The following SLA variants were observed in gnomAD, a reference collection of about 807,000 sequenced individuals.
SLA encodes Src like adaptor.
In SLA, 16 loss-of-function variants were observed where a neutral mutation model predicts 30.3. That is an observed-to-expected ratio of 0.53 (90% CI 0.36 to 0.80). The LOEUF is 0.80. Among genes scored for constraint, SLA ranks in the 30% least tolerant of loss-of-function variants. The pLI is 0.01. For synonymous variants in SLA, 143 were observed against 137.8 expected, an observed-to-expected ratio of 1.04 and a Z score of -0.26; for missense variants, 310 against 345.2, an observed-to-expected ratio of 0.90 and a Z score of 0.81.
chr8:133,089,574 G>A (rs1847171167), intron 1 of SLA, among the ~76,000 whole-genome samples: 2 of 152,234 alleles, frequency 1.3e-5, no homozygotes, highest in Admixed American at 6.5e-5. Context: ...GGGATTTAAT[G>A]ACCTCTGAAG....
chr8:133,080,470 T>C (rs1038347368), intron 1 of SLA, among the ~76,000 whole-genome samples: 10 of 152,058 alleles, frequency 6.6e-5, no homozygotes, highest in Non-Finnish European at 1.3e-4. Context: ...CATTGGGTCT[T>C]CCCACGTCCC....
intron 1 of SLA, chr8:133,094,899 C>T: frequency 9.4e-7 from 1 of 1,059,794 alleles, no homozygotes; most frequent in Non-Finnish European, 1.5e-6. Context: ...CCTTATCTTC[C>T]CATTGTGTGC....
intron 3 of SLA, 31 bp from the exon 4 acceptor site, chr8:133,050,946 C>A (rs762606016): frequency 1.5e-6 from 2 of 1,348,606 alleles, no homozygotes; most frequent in Admixed American, 1.7e-5. Context: ...GGGAAGGGGG[C>A]AAGGTGCTTT....
chr8:133,074,528 A>G (rs1844569919), intron 2 of SLA, among the ~76,000 whole-genome samples: 1 of 152,250 alleles, frequency 6.6e-6, no homozygotes, highest in Non-Finnish European at 1.5e-5. Flanking sequence ...AAGGTCGCAC[A>G]GCTAGGAATT....
intron 7 of SLA, among the ~76,000 whole-genome samples, chr8:133,042,653 G>T (rs1838473746): frequency 7.2e-6 from 1 of 138,858 alleles, no homozygotes; most frequent in Non-Finnish European, 1.5e-5. Flanking sequence ...CAAACCCCTG[G>T]TGCACAATTC....
intron 1 of SLA, among the ~76,000 whole-genome samples, chr8:133,100,823 C>A (rs896670208): frequency 2.6e-5 from 4 of 152,068 alleles, no homozygotes; most frequent in Non-Finnish European, 4.4e-5. Flanking sequence ...TTTCTGTAGT[C>A]ATTTATTGAT....
chr8:133,058,543 G>T (rs1049824757), intron 3 of SLA, among the ~76,000 whole-genome samples: 1 of 152,246 alleles, frequency 6.6e-6, no homozygotes, highest in African/African-American at 2.4e-5. Context: ...ACCCAAGATG[G>T]GTTCGGTGGG....
chr8:133,080,058 T>C (rs72729540), intron 1 of SLA, among the ~76,000 whole-genome samples: 5,984 of 152,112 alleles, frequency 0.039, 171 homozygotes, highest in Middle Eastern at 0.078. Flanking sequence ...AGTAAAGTCA[T>C]AGAAGGGAAC....
At position 133,096,250 on chromosome 8, in the gene SLA, C is replaced by T. The variant is rs115806626; in HGVS notation, c.-319+6303G>A. Reference sequence around the variant, plus strand: ...CTTTCCACTACTGGGGTCCTGTGATCGATGGCCACTTCCTCCGTGAGCCTC... The same window carrying T: ...CTTTCCACTACTGGGGTCCTGTGATTGATGGCCACTTCCTCCGTGAGCCTC... On this transcript the variant is annotated intron_variant, in intron 1 of 8. Coordinates refer to ENST00000338087, the MANE Select transcript of SLA (RefSeq NM_001045556.3). 2.9e-4 allele frequency: 466 copies of T among 1,614,202 alleles called. 1 individual carries two copies. In the African/African-American group the frequency reaches 4.8e-3, roughly 17 times the overall value.
rs529650202 is a variant in SLA at position 133,038,674 on chromosome 8, A to G, written c.681T>C (p.Tyr227=). ...AAGAGGCAATGCTCTCTCGAAGGCC[A>G]TAGCTGAAAAGGGACTCGTCTACCC... The part of the protein sequence containing the change: ...PLGVDESLFS[Y]GLRESIASYL... Residue 227 remains tyrosine, a synonymous_variant, in exon 9 of 9, where the codon TAT becomes TAC. Coordinates refer to ENST00000338087, the MANE Select transcript of SLA (RefSeq NM_001045556.3). 9 of 1,614,074 alleles carry G rather than the reference A, an allele frequency of 5.6e-6. No homozygotes were observed. In the African/African-American group the frequency reaches 6.7e-5, roughly 12 times the overall value.
Position 133,050,607 on chromosome 8 carries a change from G to C in SLA, c.161+209C>G, listed in dbSNP as rs1840220676. The C allele has an allele frequency of 6.1e-6, 3 of 493,090 alleles. No homozygotes were observed. In the East Asian group the frequency reaches 1.0e-4, roughly 16 times the overall value. 30.5% of individuals were successfully genotyped at this position (493,090 alleles called of 1,614,324 possible). The stretch of plus-strand genomic sequence containing the variant: ...AAGCCAAGTTAAGGAATTTAAATTT[G>C]ATCTACCAGGCAGTGGGGAGCTATG... On this transcript the variant is annotated intron_variant, in intron 4 of 8. Coordinates refer to ENST00000338087, the MANE Select transcript of SLA (RefSeq NM_001045556.3).
At chr8:133,086,079 T>TG (rs1390968431) in intron 1 of SLA, among the ~76,000 whole-genome samples, 2 of 152,174 alleles carry the variant, frequency 1.3e-5, no homozygotes, top group African/African-American at 4.8e-5. Flanking sequence ...ATAAGATGGA[T>TG]GAAGTAAAAG....
rs564264158 is a variant in SLA, at chr8:133,063,935, T to C, written c.-40-3735A>G. ...TTTAATCTGTGACAATTTTATGCAG[T>C]GGCTGAAGGTGGGAGAGAGGGTACC... On this transcript the variant is annotated intron_variant, in intron 2 of 8. Transcript: ENST00000338087. Among the ~76,000 whole-genome samples the C allele has an allele frequency of 3.3e-5, 5 of 152,352 alleles. No homozygotes were observed. The South Asian group carries it at 1.0e-3, about 32-fold the overall frequency.
At chr8:133,102,479 C>T in intron 1 of SLA, 74 bp downstream of exon 1, 1 of 1,366,738 alleles carries the variant, frequency 7.3e-7, no homozygotes. Context: ...TCTGAAGACC[C>T]TCCCCCACAT....
chr8:133,093,052 C>G (rs1414180135), intron 1 of SLA, among the ~76,000 whole-genome samples: 1 of 152,110 alleles, frequency 6.6e-6, no homozygotes, highest in African/African-American at 2.4e-5. Flanking sequence ...TGCCTGTGGG[C>G]CCTTCTGCTG....
intron 2 of SLA, chr8:133,073,267 G>A (rs1015883149): frequency 2.0e-5 from 3 of 151,962 alleles, no homozygotes; most frequent in African/African-American, 7.3e-5. Flanking sequence ...TTAAGATGAA[G>A]GAATCTAATT....
At chr8:133,062,607 G>A (rs527375368) in intron 2 of SLA, among the ~76,000 whole-genome samples, 1 of 152,388 alleles carries the variant, frequency 6.6e-6, no homozygotes, top group South Asian at 2.1e-4. Context: ...TGAGGGGATT[G>A]TAGCCACAGG....
intron 3 of SLA, among the ~76,000 whole-genome samples, chr8:133,056,770 AG>A (rs1351176780): frequency 6.6e-6 from 1 of 152,202 alleles, no homozygotes; most frequent in Non-Finnish European, 1.5e-5. Flanking sequence ...CGTTTTACAA[AG>A]GAGGACAGAG....
chr8:133,060,595 C>T (rs1466983823), intron 2 of SLA, among the ~76,000 whole-genome samples: 1 of 152,166 alleles, frequency 6.6e-6, no homozygotes, highest in African/African-American at 2.4e-5. Flanking sequence ...ATTTGGAGTA[C>T]AGGAGTTGTG....
Sources: gnomAD v4.1 joint callset for allele counts (sites outside exome capture counted in the v4.1 genomes callset) on GRCh38, gnomAD v4.1.1 for gene constraint, MANE v1.5 for transcripts, NCBI Gene and HGNC (gene_info 2026-07-23, HGNC 2026-07-21) for gene names.